HDAC4: variants seen among roughly 807,000 people sequenced by gnomAD.
The protein encoded by HDAC4 is histone deacetylase 4.
HDAC4 carries 16 observed loss-of-function variants against 135.1 expected under a neutral mutation model. The ratio of observed to expected loss-of-function variants is 0.12; its 90% confidence interval spans 0.08 to 0.18. The LOEUF (loss-of-function observed/expected upper bound fraction) is 0.18, where lower values mean the gene tolerates loss of function less well. Among genes scored for constraint, HDAC4 ranks in the 10% least tolerant of loss-of-function variants. The pLI is 1.00. For synonymous variants in HDAC4, 685 were observed against 653.4 expected, an observed-to-expected ratio of 1.05 and a Z score of -0.74; for missense variants, 1,143 against 1,511.8, an observed-to-expected ratio of 0.76 and a Z score of 4.05.
At position 239,146,114 on chromosome 2, in the gene HDAC4, C is replaced by T. The variant is rs1053136987; in HGVS notation, c.734-1400G>A. The stretch of plus-strand genomic sequence containing the variant: ...ATTCAGCCACAAGCCGGCCTCTCCA[C>T]GGGCTACTGACGAGGGCACACTTCT... On this transcript the variant is annotated intron_variant, in intron 7 of 26. Coordinates refer to ENST00000543185, the MANE Select transcript of HDAC4 (RefSeq NM_001378414.1). The surrounding 1 kb of genome is among the most constrained non-coding windows in gnomAD (Gnocchi z 4.5). Among the ~76,000 whole-genome samples, 3 of 152,216 alleles carry T rather than the reference C, an allele frequency of 2.0e-5. No individual in the cohort carries two copies. The highest frequency in any genetic ancestry group is 4.8e-5 in the African/African-American group (2 of 41,448).
At chr2:239,340,877 GC>G (rs1205314143) in intron 2 of HDAC4, among the ~76,000 whole-genome samples, 1 of 152,010 alleles carries the variant, frequency 6.6e-6, no homozygotes, top group Non-Finnish European at 1.5e-5. Context: ...TGAAGATCTG[GC>G]CCCCTCTTCA....
intron 17 of HDAC4, chr2:239,094,283 G>A (rs2036788365): frequency 6.3e-5 from 62 of 985,332 alleles, no homozygotes; most frequent in Non-Finnish European, 7.3e-5. Flanking sequence ...AGGGGCCAGG[G>A]GAGAACTCTT....
At chr2:239,389,065 T>C (rs567769956) in intron 1 of HDAC4, among the ~76,000 whole-genome samples, 13 of 152,228 alleles carry the variant, frequency 8.5e-5, no homozygotes, top group African/African-American at 3.1e-4. Context: ...TTGGAGAATT[T>C]TTCTGTCTAG....
At chr2:239,281,596 T>C (rs1334529896) in intron 2 of HDAC4, among the ~76,000 whole-genome samples, 1 of 148,028 alleles carries the variant, frequency 6.8e-6, no homozygotes, top group African/African-American at 2.5e-5. Flanking sequence ...CTCCACACAA[T>C]GTACACACCA....
chr2:239,364,810 T>C (rs1694081379), intron 1 of HDAC4, among the ~76,000 whole-genome samples: 1 of 152,248 alleles, frequency 6.6e-6, no homozygotes, highest in Non-Finnish European at 1.5e-5. Context: ...GAGGAAGTAT[T>C]TTATAATTCT....
intron 2 of HDAC4, among the ~76,000 whole-genome samples, chr2:239,347,288 G>GCAAT (rs1180930906): frequency 1.3e-5 from 2 of 152,334 alleles, no homozygotes; most frequent in South Asian, 2.1e-4. Flanking sequence ...AGGACTGGAA[G>GCAAT]CAATCCCAGA....
intron 15 of HDAC4, among the ~76,000 whole-genome samples, chr2:239,107,169 A>G (rs1157486670): frequency 1.3e-5 from 2 of 152,242 alleles, no homozygotes; most frequent in African/African-American, 2.4e-5. Flanking sequence ...ATCCCCTGTG[A>G]CAGCTGCCTC....
At chr2:239,295,371 G>A (rs1575635855) in intron 2 of HDAC4, among the ~76,000 whole-genome samples, 1 of 138,264 alleles carries the variant, frequency 7.2e-6, no homozygotes, top group East Asian at 2.1e-4. Context: ...AAAAGCAAAA[G>A]AGCAGATTTT....
intron 2 of HDAC4, among the ~76,000 whole-genome samples, chr2:239,259,813 G>C (rs1326456086): frequency 6.6e-6 from 1 of 152,252 alleles, no homozygotes; most frequent in East Asian, 1.9e-4. Context: ...CAGAGCCTGT[G>C]GTATGGCGTG....
intron 2 of HDAC4, among the ~76,000 whole-genome samples, chr2:239,277,848 C>T (rs113533573): frequency 8.1e-4 from 123 of 152,270 alleles, no homozygotes; most frequent in African/African-American, 2.9e-3. Context: ...TCAGATCTGC[C>T]GGAAACAAAT....
intron 1 of HDAC4, among the ~76,000 whole-genome samples, chr2:239,371,985 G>A (rs1489722614): frequency 1.3e-5 from 2 of 152,234 alleles, no homozygotes; most frequent in Non-Finnish European, 2.9e-5. Context: ...GGGAGCAGCT[G>A]CACCCGCAGA....
At chr2:239,076,274 C>T (rs961709129) in intron 22 of HDAC4, among the ~76,000 whole-genome samples, 5 of 152,130 alleles carry the variant, frequency 3.3e-5, no homozygotes, top group Admixed American at 1.3e-4. Context: ...GGCAGGGTGC[C>T]GGCCACTCTG....
intron 2 of HDAC4, among the ~76,000 whole-genome samples, chr2:239,244,398 C>G (rs1043819805): frequency 4.6e-5 from 7 of 152,094 alleles, no homozygotes; most frequent in African/African-American, 1.7e-4. Context: ...AAGACCTGCA[C>G]CTCCTGGAGG....
At chr2:239,390,905 G>A (rs148510545) in intron 1 of HDAC4, among the ~76,000 whole-genome samples, 3 of 152,336 alleles carry the variant, frequency 2.0e-5, no homozygotes, top group Non-Finnish European at 2.9e-5. Flanking sequence ...CAGTGAAGAC[G>A]GGACAGAAAG....
chr2:239,307,333 G>A lies in HDAC4; in HGVS notation c.22+45345C>T, dbSNP rs933975172. 2.6e-5 allele frequency among the ~76,000 whole-genome samples: 4 copies of A among 152,150 alleles called. No homozygotes were observed. The highest frequency in any genetic ancestry group is 5.9e-5 in the Non-Finnish European group (4 of 68,026). On this transcript the variant is annotated intron_variant, in intron 2 of 26. Transcript: ENST00000543185. The surrounding 1 kb of genome is among the most constrained non-coding windows in gnomAD (Gnocchi z 4.8). ...GTGTTCTGTTTAGAAGCAGAGAGCC[G>A]AGGAGCCGGAGGCCCCAACACAAGA...
chr2:239,107,286 A>T (rs2038232879), intron 15 of HDAC4, among the ~76,000 whole-genome samples: 1 of 152,214 alleles, frequency 6.6e-6, no homozygotes, highest in African/African-American at 2.4e-5. Context: ...CTGGGAGTCC[A>T]CTGCAGCCAG....
chr2:239,265,326 C>T (rs985065224), intron 2 of HDAC4, among the ~76,000 whole-genome samples: 1 of 152,256 alleles, frequency 6.6e-6, no homozygotes, highest in African/African-American at 2.4e-5. Flanking sequence ...TCAGCAAACA[C>T]CGCCACAGAC....
chr2:239,389,405 A>C (rs1346821028), intron 1 of HDAC4, among the ~76,000 whole-genome samples: 3 of 152,180 alleles, frequency 2.0e-5, no homozygotes, highest in African/African-American at 7.2e-5. Context: ...AGTCAGCAAG[A>C]CCACGAACCT....
At position 239,049,978 on chromosome 2, in the gene HDAC4, A is replaced by T. The variant is rs1388982958; in HGVS notation, c.*3119T>A. On this transcript the variant is annotated 3_prime_UTR_variant, in exon 27 of 27. Transcript: ENST00000543185. The stretch of plus-strand genomic sequence containing the variant: ...CCCCCAAGGCCTTTGCAAAGGAAGA[A>T]AAAGGCTAAAGGTCCAAGGACCCAC... 6.5e-6 allele frequency: 1 copy of T among 152,682 alleles called. No individual in the cohort carries two copies. The highest frequency in any genetic ancestry group is 2.4e-5 in the African/African-American group (1 of 41,464). The allele number at this position is 152,682 out of a possible 1,614,324, so 9.5% of individuals were successfully genotyped here.
Sources: allele counts gnomAD v4.1 joint callset (sites outside exome capture counted in the v4.1 genomes callset), GRCh38; gene constraint gnomAD v4.1.1; non-coding constraint Gnocchi (gnomAD v3.1); transcripts MANE v1.5; gene names NCBI Gene and HGNC (gene_info 2026-07-23, HGNC 2026-07-21).